Variants in SLC38A7 observed in about 807,000 individuals in gnomAD.
The protein encoded by SLC38A7 is solute carrier family 38 member 7.
In SLC38A7, 29 loss-of-function variants were observed where a neutral mutation model predicts 50.1. The ratio of observed to expected loss-of-function variants is 0.58; its 90% CI spans 0.43 to 0.79. The LOEUF (loss-of-function observed/expected upper bound fraction) is 0.79, where lower values mean the gene tolerates loss of function less well. SLC38A7 is among the 30% of genes least tolerant of loss of function. The pLI is 0.00. For missense variants in SLC38A7, 483 were observed against 610.6 expected, an observed-to-expected ratio of 0.79 and a Z score of 2.20; for synonymous variants, 244 against 245.9, an observed-to-expected ratio of 0.99 and a Z score of 0.07.
chr16:58,671,733 CTATT>C (rs1215972719), intron 9 of SLC38A7: 1 of 208,976 alleles, frequency 4.8e-6, no homozygotes. Flanking sequence ...CCACACCTGG[CTATT>C]TATTTTATTT....
rs887137493 is a variant in SLC38A7, at chr16:58,676,283, T to C, written c.768+6A>G. ...ACAGCAGGGACCTTGCAACTGGCAC[T>C]GGCACCTGAAATCCGAAGCAGATGG... On this transcript the variant is annotated splice_donor_region_variant and intron_variant, in intron 7 of 11. Coordinates refer to ENST00000219320, the MANE Select transcript of SLC38A7 (RefSeq NM_018231.3). 3 of 1,614,064 alleles carry C rather than the reference T, an allele frequency of 1.9e-6. No homozygotes were observed. The highest frequency in any genetic ancestry group is 2.5e-6 in the Non-Finnish European group (3 of 1,180,042).
chr16:58,674,379 C>T (rs928177696), intron 8 of SLC38A7, among the ~76,000 whole-genome samples: 5 of 151,874 alleles, frequency 3.3e-5, no homozygotes, highest in East Asian at 1.9e-4. Context: ...TAGGCTCAAG[C>T]GATCCTCCCA....
intron 11 of SLC38A7, among the ~76,000 whole-genome samples, chr16:58,668,266 C>T (rs564539975): frequency 1.3e-4 from 20 of 151,972 alleles, no homozygotes; most frequent in South Asian, 4.2e-4. Context: ...GGTGAAACCC[C>T]GTCTCTACTA....
chr16:58,670,297 C>G (rs920968258), intron 10 of SLC38A7, 130 bp from the exon 11 acceptor site: 2 of 815,616 alleles, frequency 2.5e-6, no homozygotes, highest in Non-Finnish European at 2.0e-6. Context: ...AATTCCATCT[C>G]TGCCCCCACA....
Position 58,675,877 on chromosome 16 carries a change from C to G in SLC38A7, c.883+63G>C, listed in dbSNP as rs2044253086. On this transcript the variant is annotated intron_variant, in intron 8 of 11. Transcript: ENST00000219320. ...CCCCAGGAAAGCTAGGCCCCAGGAC[C>G]TAGGGACTCCTGTGGAAGTGAGAGC... The G allele has an allele frequency of 5.2e-6, 7 of 1,337,202 alleles. No homozygotes were observed. The East Asian group carries it at 1.7e-4, about 33-fold the overall frequency. 82.8% of individuals were successfully genotyped at this position (1,337,202 alleles called of 1,614,324 possible).
rs555741658 is a variant in SLC38A7, at chr16:58,682,040, C to T, written c.-115-1799G>A. ...GGTGTGGTGGTGCACCCCTGTAATC[C>T]CAGCTGTGCAGGAGGCTGAGGCAGG... On this transcript the variant is annotated intron_variant, in intron 2 of 11. Transcript: ENST00000219320. Among the ~76,000 whole-genome samples the T allele has an allele frequency of 7.2e-5, 11 of 152,180 alleles. No homozygotes were observed. In the South Asian group the frequency reaches 2.1e-3, roughly 29 times the overall value.
intron 2 of SLC38A7, among the ~76,000 whole-genome samples, chr16:58,683,039 G>A (rs1259859360): frequency 6.6e-6 from 1 of 151,258 alleles, no homozygotes; most frequent in Non-Finnish European, 1.5e-5. Flanking sequence ...CCCCACGCCT[G>A]TCATGTTTAA....
rs139988374 is a variant in SLC38A7 at position 58,667,413 on chromosome 16, T to C, written c.1361A>G (p.Asn454Ser). ...TGCCAAGAGATCCACAAAGATGGCG[T>C]TGGCTGTGGTCTGGCCGAAGATGAA... The part of the protein sequence containing the change: ...GAFIFGQTTA[N>S]AIFVDLLA Residue 454 changes from asparagine (N) to serine (S), a missense_variant, in exon 12 of 12, where the codon AAC becomes AGC. Asn to Ser is a conservative substitution (Grantham distance 46, BLOSUM62 1). Coordinates refer to ENST00000219320, the MANE Select transcript of SLC38A7 (RefSeq NM_018231.3). The C allele has an allele frequency of 5.0e-6, 8 of 1,613,936 alleles. No individual in the cohort carries two copies. Among genetic ancestry groups the C allele is most frequent in the Non-Finnish European group, 6.8e-6 (8 of 1,180,032 alleles).
intron 8 of SLC38A7, 72 bp downstream of exon 8, chr16:58,675,868 C>G: frequency 8.2e-7 from 1 of 1,226,266 alleles, no homozygotes; most frequent in Non-Finnish European, 1.2e-6. Flanking sequence ...GAAAGCTAGG[C>G]CCCAGGACCT....
At chr16:58,682,672 C>T (rs2044415820) in intron 2 of SLC38A7, among the ~76,000 whole-genome samples, 1 of 151,788 alleles carries the variant, frequency 6.6e-6, no homozygotes, top group African/African-American at 2.4e-5. Flanking sequence ...TGCTTTGTCA[C>T]CCAGGCTGGA....
intron 2 of SLC38A7, chr16:58,681,507 G>A (rs1224272722): frequency 2.0e-5 from 3 of 152,058 alleles, no homozygotes; most frequent in Non-Finnish European, 2.9e-5. Context: ...TGTTCTCAAG[G>A]TTCAGCTCAT....
chr16:58,665,326 G>T lies in SLC38A7; in HGVS notation c.*2059C>A. On this transcript the variant is annotated 3_prime_UTR_variant, in exon 12 of 12. Transcript: ENST00000219320. ...CCCTTGACCCCCGAAACACGGCACTGGGGGACTGCAGCCCTGCTGACCAGG... is the reference window on the plus strand; with the variant it reads ...CCCTTGACCCCCGAAACACGGCACTTGGGGACTGCAGCCCTGCTGACCAGG... The T allele has an allele frequency of 6.6e-6, 1 of 152,622 alleles. No individual in the cohort carries two copies. The highest frequency in any genetic ancestry group is 1.5e-5 in the Non-Finnish European group (1 of 68,292). The allele number at this position is 152,622 out of a possible 1,614,324, so 9.5% of individuals were successfully genotyped here.
intron 6 of SLC38A7, 50 bp from the exon 7 acceptor site, chr16:58,676,396 C>A: frequency 6.2e-7 from 1 of 1,601,238 alleles, no homozygotes; most frequent in South Asian, 1.1e-5. Context: ...CTCAGAGCCA[C>A]AACCCACCCC....
At chr16:58,674,459 G>A (rs1307814154) in intron 8 of SLC38A7, among the ~76,000 whole-genome samples, 9 of 151,736 alleles carry the variant, frequency 5.9e-5, no homozygotes, top group Admixed American at 5.3e-4. Flanking sequence ...TAAATTTTTT[G>A]TAGAGATGGA....
In SLC38A7 at chr16:58,679,841, C is replaced by G; in HGVS notation, c.270+16G>C. 6.2e-7 allele frequency: 1 copy of G among 1,613,030 alleles called. No homozygotes were observed. The highest frequency in any genetic ancestry group is 8.5e-7 in the Non-Finnish European group (1 of 1,179,992). ...CAACTGAACTGCACCTCTGCCCTCC[C>G]GGCCAGTGCACTCACCATCTGCAGT... is the stretch of plus-strand genomic sequence containing the variant. On this transcript the variant is annotated intron_variant, in intron 3 of 11. Transcript: ENST00000219320.
Position 58,678,587 on chromosome 16 carries a change from T to A in SLC38A7, c.469+109A>T. 6.4e-7 allele frequency: 1 copy of A among 1,556,648 alleles called. No homozygotes were observed. The highest frequency in any genetic ancestry group is 8.8e-7 in the Non-Finnish European group (1 of 1,141,400). On this transcript the variant is annotated intron_variant, in intron 4 of 11. Coordinates refer to ENST00000219320, the MANE Select transcript of SLC38A7 (RefSeq NM_018231.3). This position sits in a 1 kb window ranked among gnomAD's most constrained non-coding sequence, Gnocchi z 4.0. ...CCTGGAGGGAGGATTCCCAGATGAA[T>A]GCTGGGCCCAGGTAAGTCCTGGAGA... is the stretch of plus-strand genomic sequence containing the variant.
chr16:58,677,813 A>G (rs2044301896), intron 5 of SLC38A7, among the ~76,000 whole-genome samples: 1 of 152,076 alleles, frequency 6.6e-6, no homozygotes, highest in Admixed American at 6.5e-5. Flanking sequence ...CAGAGGTAAG[A>G]GGGTTGAGAG....
In SLC38A7 at chr16:58,667,231, T is replaced by G; in HGVS notation, c.*154A>C. ...GGACTGGATTTGAGCTGTCCAGAGGTGTGGGGCCTGAGTTTGCCCCAGTCC... is the reference window on the plus strand; with the variant it reads ...GGACTGGATTTGAGCTGTCCAGAGGGGTGGGGCCTGAGTTTGCCCCAGTCC... On this transcript the variant is annotated 3_prime_UTR_variant, in exon 12 of 12. Coordinates refer to ENST00000219320, the MANE Select transcript of SLC38A7 (RefSeq NM_018231.3). The G allele has an allele frequency of 1.4e-6, 1 of 719,568 alleles. No homozygotes were observed. The highest frequency in any genetic ancestry group is 2.4e-6 in the Non-Finnish European group (1 of 424,776). 44.6% of individuals were successfully genotyped at this position (719,568 alleles called of 1,614,324 possible). A position where few individuals can be genotyped will look rare whatever the true frequency, so the allele number is the denominator to read the frequency against.
chr16:58,680,384 A>C lies in SLC38A7; in HGVS notation c.-115-143T>G, dbSNP rs564331942. The C allele has an allele frequency of 5.9e-5, 23 of 386,738 alleles. No individual in the cohort carries two copies. In the South Asian group the frequency reaches 2.0e-3, roughly 33 times the overall value. The allele number at this position is 386,738 out of a possible 1,614,324, so 24.0% of individuals were successfully genotyped here. A position where few individuals can be genotyped will look rare whatever the true frequency, so the allele number is the denominator to read the frequency against. On this transcript the variant is annotated intron_variant, in intron 2 of 11. Coordinates refer to ENST00000219320, the MANE Select transcript of SLC38A7 (RefSeq NM_018231.3). ...GTGCAGACAGTGCACTGGGTGCCAGAGTATGGGGAGACAGACACAGAAACA... is the reference window on the plus strand; with the variant it reads ...GTGCAGACAGTGCACTGGGTGCCAGCGTATGGGGAGACAGACACAGAAACA...
Sources: gnomAD v4.1 joint callset for allele counts (sites outside exome capture counted in the v4.1 genomes callset) on GRCh38, gnomAD v4.1.1 for gene constraint, Gnocchi (gnomAD v3.1) non-coding constraint, MANE v1.5 for transcripts, NCBI Gene and HGNC (gene_info 2026-07-23, HGNC 2026-07-21) for gene names.